Variants in B4GALNT2 observed in about 807,000 individuals in gnomAD.
B4GALNT2 encodes the protein beta-1,4-N-acetyl-galactosaminyltransferase 2 (SID blood group), also known as N-acetylneuraminylgalactosylglucosyl-glucoside beta-1,4-N- acetylgalactosaminyltransferase 2.
In B4GALNT2, 42 loss-of-function variants were observed where a neutral mutation model predicts 51.1. The observed-to-expected ratio is 0.82, with a 90% CI of 0.64 to 1.06. The LOEUF (loss-of-function observed/expected upper bound fraction) is 1.06. Ranked by LOEUF, B4GALNT2 falls within the 50% of genes least tolerant of loss-of-function variation. The pLI, the probability that B4GALNT2 is intolerant of heterozygous loss-of-function variation, is 0.00. For synonymous variants in B4GALNT2, 253 were observed against 251.7 expected, an observed-to-expected ratio of 1.01 and a Z score of -0.05; for missense variants, 602 against 633.6, an observed-to-expected ratio of 0.95 and a Z score of 0.54.
Position 49,168,900 on chromosome 17 carries a change from G to T in B4GALNT2, c.1315G>T (p.Glu439Ter). Residue 439 changes from glutamate (E) to a stop codon, truncating the protein, a stop_gained and splice_region_variant, in exon 10 of 11, where the codon GAA becomes TAA. Coordinates refer to ENST00000393354, the MANE Select transcript of B4GALNT2 (RefSeq NM_001159387.2). LOFTEE classifies it low-confidence loss of function (END_TRUNC). ...DPRLQRVAHS[E>*]FFIDGLGTLL... ...CCGCCTGCAACGAGTGGCTCACTCA[G>T]GTGGGAAGGCTGAAAGAGTGAGGGA... The T allele has an allele frequency of 6.2e-7, 1 of 1,611,514 alleles. No homozygotes were observed. The highest frequency in any genetic ancestry group is 8.5e-7 in the Non-Finnish European group (1 of 1,179,496).
At position 49,168,911 on chromosome 17, in the gene B4GALNT2, TGAAA is replaced by T. The variant is rs1567868478; in HGVS notation, c.1315+14_1315+17del. ...GAGTGGCTCACTCAGGTGGGAAGGC[TGAAA>T]GAGTGAGGGAGGGAGCTGGGCTGGG... On this transcript the variant is annotated intron_variant, in intron 10 of 10. Transcript: ENST00000393354. 6.2e-7 allele frequency: 1 copy of T among 1,609,218 alleles called. No homozygotes were observed. The highest frequency in any genetic ancestry group is 8.5e-7 in the Non-Finnish European group (1 of 1,178,082).
chr17:49,147,384 T>C (rs2042705487), intron 3 of B4GALNT2, among the ~76,000 whole-genome samples: 1 of 151,286 alleles, frequency 6.6e-6, no homozygotes, highest in Admixed American at 6.6e-5. Context: ...CTTTCTTTTT[T>C]TTTTTTTTGA....
intron 1 of B4GALNT2, among the ~76,000 whole-genome samples, chr17:49,134,250 A>T (rs780706354): frequency 6.6e-6 from 1 of 152,264 alleles, no homozygotes; most frequent in African/African-American, 2.4e-5. Context: ...GTACATATTC[A>T]TGAGGTACAT....
intron 3 of B4GALNT2, among the ~76,000 whole-genome samples, chr17:49,149,381 C>T (rs952346997): frequency 1.3e-5 from 2 of 152,042 alleles, no homozygotes; most frequent in East Asian, 1.9e-4. Context: ...CGCGGTGGCT[C>T]ACACCTGTAA....
At chr17:49,142,977 G>C (rs986893823) in intron 3 of B4GALNT2, among the ~76,000 whole-genome samples, 1 of 152,192 alleles carries the variant, frequency 6.6e-6, no homozygotes, top group Non-Finnish European at 1.5e-5. Flanking sequence ...GGCTGGGCGC[G>C]GTGGCTCACG....
the B4GALNT2 span, among the ~76,000 whole-genome samples, chr17:49,121,349 A>G: frequency 1.3e-5 from 2 of 152,190 alleles, no homozygotes; most frequent in Admixed American, 6.5e-5. Flanking sequence ...CTTGGTAGGA[A>G]TTGCTGTTTT....
chr17:49,159,178 T>A lies in B4GALNT2; in HGVS notation c.640T>A (p.Tyr214Asn), dbSNP rs1392890638. Residue 214 changes from tyrosine to asparagine, a missense_variant, in exon 6 of 11, where the codon TAC becomes AAC. Tyr to Asn is a moderately radical substitution (Grantham distance 143). Transcript: ENST00000393354. Reference protein sequence around the residue: ...LLKFILQHVTYTSTGYQHQKV... With the variant: ...LLKFILQHVTNTSTGYQHQKV... ...GAAGTTCATTCTTCAGCACGTGACATACACCAGCACGGGGTACCAGCACCA... is the reference window on the plus strand; with the variant it reads ...GAAGTTCATTCTTCAGCACGTGACAAACACCAGCACGGGGTACCAGCACCA... 2 of 1,614,180 alleles carry A rather than the reference T, an allele frequency of 1.2e-6. No homozygotes were observed. Among genetic ancestry groups the A allele is most frequent in the Non-Finnish European group, 8.5e-7 (1 of 1,180,032 alleles).
At chr17:49,139,357 G>A (rs1011054611) in intron 1 of B4GALNT2, among the ~76,000 whole-genome samples, 8 of 152,006 alleles carry the variant, frequency 5.3e-5, no homozygotes, top group Non-Finnish European at 2.9e-5. Context: ...TCCCACCTCA[G>A]CCTCCCAAGT....
the B4GALNT2 span, among the ~76,000 whole-genome samples, chr17:49,126,920 T>C: frequency 1.3e-5 from 2 of 152,212 alleles, no homozygotes; most frequent in Non-Finnish European, 2.9e-5. Flanking sequence ...GTCAGGCTGG[T>C]CTCGAGCTCC....
chr17:49,121,610 G>C, the B4GALNT2 span, among the ~76,000 whole-genome samples: 1 of 152,186 alleles, frequency 6.6e-6, no homozygotes, highest in East Asian at 1.9e-4. Flanking sequence ...CAAATACAGA[G>C]GAGATTCAGG....
At position 49,141,594 on chromosome 17, in the gene B4GALNT2, G is replaced by C. The variant is rs577069251; in HGVS notation, c.215+147G>C. On this transcript the variant is annotated intron_variant, in intron 2 of 10. Transcript: ENST00000393354. ...GAATGCACAAGTGACTGCAAGCCAGGATGGGGCTTGGTCTGTACGATCCAG... is the reference window on the plus strand; with the variant it reads ...GAATGCACAAGTGACTGCAAGCCAGCATGGGGCTTGGTCTGTACGATCCAG... The C allele has an allele frequency of 9.8e-5, 84 of 857,908 alleles. No individual in the cohort carries two copies. The African/African-American group carries it at 1.3e-3, about 13-fold the overall frequency. 53.1% of individuals were successfully genotyped at this position (857,908 alleles called of 1,614,324 possible).
rs954957309 is a variant in B4GALNT2 at position 49,136,048 on chromosome 17, A to G, written c.14+3242A>G. 6.6e-5 allele frequency among the ~76,000 whole-genome samples: 10 copies of G among 150,720 alleles called. No individual in the cohort carries two copies. The East Asian group carries it at 1.9e-3, about 29-fold the overall frequency. ...CAGTGAGCTGAGATCACGCCACTGCACTCCAGCCTGGGCAACAGAGCGAGA... is the reference window on the plus strand; with the variant it reads ...CAGTGAGCTGAGATCACGCCACTGCGCTCCAGCCTGGGCAACAGAGCGAGA... On this transcript the variant is annotated intron_variant, in intron 1 of 10. Transcript: ENST00000393354.
chr17:49,127,959 T>C (rs1012257566), upstream of B4GALNT2, among the ~76,000 whole-genome samples: 2 of 152,210 alleles, frequency 1.3e-5, no homozygotes, highest in Non-Finnish European at 2.9e-5. Flanking sequence ...AAACCTTTCC[T>C]AGGAAAATAA....
chr17:49,133,089 T>G, intron 1 of B4GALNT2: 1 of 1,514,064 alleles, frequency 6.6e-7, no homozygotes, highest in Non-Finnish European at 8.8e-7. Flanking sequence ...CGGCCGGGAA[T>G]GTGTCTCGGG....
At chr17:49,144,531 G>A (rs762626671) in intron 3 of B4GALNT2, among the ~76,000 whole-genome samples, 2 of 152,186 alleles carry the variant, frequency 1.3e-5, no homozygotes, top group Admixed American at 1.3e-4. Flanking sequence ...CTGCATTCAG[G>A]TCCTGCATCC....
chr17:49,144,969 C>T (rs1416732239), intron 3 of B4GALNT2, among the ~76,000 whole-genome samples: 4 of 152,124 alleles, frequency 2.6e-5, no homozygotes, highest in Non-Finnish European at 2.9e-5. Flanking sequence ...AGGCTAGGCT[C>T]ATCTCATTGC....
At chr17:49,169,397 TG>T in intron 10 of B4GALNT2, 125 bp from the exon 11 acceptor site, 2 of 844,356 alleles carry the variant, frequency 2.4e-6, no homozygotes, top group Non-Finnish European at 3.8e-6. Context: ...TGGCTTCACG[TG>T]GGGCTGAACC....
chr17:49,173,744 T>C lies in B4GALNT2; in HGVS notation c.*4016T>C, dbSNP rs2042971705. ...TAAGGAGTTAGAGTCCGTGAATTAG[T>C]ATGTGGAAGAAAAAGCCGCTCTACA... On this transcript the variant is annotated 3_prime_UTR_variant, in exon 11 of 11. Transcript: ENST00000393354. 6.6e-6 allele frequency: 1 copy of C among 152,132 alleles called. No homozygotes were observed. Among genetic ancestry groups the C allele is most frequent in the African/African-American group, 2.4e-5 (1 of 41,406 alleles). 9.4% of individuals were successfully genotyped at this position (152,132 alleles called of 1,614,324 possible).
intron 4 of B4GALNT2, among the ~76,000 whole-genome samples, chr17:49,153,507 A>ATTTTTTTTTTTTT (rs569207630): frequency 6.9e-6 from 1 of 145,954 alleles, no homozygotes; most frequent in Non-Finnish European, 1.5e-5. Flanking sequence ...GCTTGATGTG[A>ATTTTTTTTTTTTT]TTTTTTTTTT....
Sources: gnomAD v4.1 joint callset for allele counts (sites outside exome capture counted in the v4.1 genomes callset) on GRCh38, gnomAD v4.1.1 for gene constraint, MANE v1.5 for transcripts, NCBI Gene and HGNC (gene_info 2026-07-23, HGNC 2026-07-21) for gene names.